SGPL1: variants seen among roughly 807,000 people sequenced by gnomAD.
SGPL1 encodes sphingosine-1-phosphate lyase 1, also known as SP-lyase 1.
SGPL1 carries 37 observed loss-of-function variants against 68.9 expected under a neutral mutation model. The ratio of observed to expected loss-of-function variants is 0.54; its 90% CI spans 0.41 to 0.71. The LOEUF is 0.71. Ranked by LOEUF, SGPL1 falls within the 30% of genes least tolerant of loss-of-function variation. The pLI, the probability that SGPL1 is intolerant of heterozygous loss-of-function variation, is 0.00. For missense variants in SGPL1, 551 were observed against 704.6 expected (o/e 0.78, Z 2.47); for synonymous variants, 236 against 248.5 (o/e 0.95, Z 0.47).
At chr10:70,849,658 A>C (rs1336013121) in intron 3 of SGPL1, among the ~76,000 whole-genome samples, 4 of 152,234 alleles carry the variant, frequency 2.6e-5, no homozygotes, top group Non-Finnish European at 5.9e-5. Context: ...TAGATACAAA[A>C]AGGGGGTGCA....
chr10:70,852,706 A>ATGTG (rs35491906), intron 4 of SGPL1, among the ~76,000 whole-genome samples: 3,300 of 145,922 alleles, frequency 0.023, 47 homozygotes, highest in African/African-American at 0.04. Flanking sequence ...ACATGTGTGT[A>ATGTG]TGTGTGTGTG....
At chr10:70,856,140 G>A (rs367552933) in intron 5 of SGPL1, among the ~76,000 whole-genome samples, 1 of 151,974 alleles carries the variant, frequency 6.6e-6, no homozygotes, top group African/African-American at 2.4e-5. Context: ...GATTACAGGC[G>A]TGCGGCACCA....
chr10:70,875,168 T>C (rs1846364037), intron 12 of SGPL1, among the ~76,000 whole-genome samples: 1 of 152,184 alleles, frequency 6.6e-6, no homozygotes, highest in African/African-American at 2.4e-5. Context: ...TAGATCTAGA[T>C]GGGGTTTGGG....
intron 2 of SGPL1, among the ~76,000 whole-genome samples, chr10:70,834,058 G>A (rs930289593): frequency 3.9e-5 from 6 of 152,096 alleles, no homozygotes; most frequent in South Asian, 2.1e-4. Context: ...TCCCTGCTGC[G>A]TGAATACCGG....
At position 70,870,298 on chromosome 10, in the gene SGPL1, G is replaced by C. The variant is rs115329338; in HGVS notation, c.810+401G>C. On this transcript the variant is annotated intron_variant, in intron 9 of 14. Transcript: ENST00000373202. Reference sequence around the variant, plus strand: ...GGATTACTTGAACCCTTGAGCCCAGGAGTTTGCGACCAGTCTGAGCAACAT... The same window carrying C: ...GGATTACTTGAACCCTTGAGCCCAGCAGTTTGCGACCAGTCTGAGCAACAT... Among the ~76,000 whole-genome samples the C allele has an allele frequency of 8.9e-3, 1,348 of 152,174 alleles. 32 individuals carry two copies. Among genetic ancestry groups the C allele is most frequent in the African/African-American group, 0.031 (1,280 of 41,506 alleles).
chr10:70,861,799 G>A (rs1846062023), intron 7 of SGPL1, among the ~76,000 whole-genome samples: 1 of 152,216 alleles, frequency 6.6e-6, no homozygotes, highest in Non-Finnish European at 1.5e-5. Context: ...AGCAGCTGCG[G>A]AGGGGGTTCT....
intron 3 of SGPL1, 26 bp downstream of exon 3, chr10:70,844,664 G>C: frequency 1.2e-6 from 2 of 1,601,614 alleles, no homozygotes; most frequent in Admixed American, 1.7e-5. Flanking sequence ...CCTCTGTAAA[G>C]GTATAGTGGT....
rs555797585 is a variant in SGPL1 at position 70,849,418 on chromosome 10, G to T, written c.194-1725G>T. Among the ~76,000 whole-genome samples the T allele has an allele frequency of 3.3e-5, 5 of 152,226 alleles. 1 individual carries two copies. The South Asian group carries it at 1.0e-3, about 32-fold the overall frequency. On this transcript the variant is annotated intron_variant, in intron 3 of 14. Coordinates refer to ENST00000373202, the MANE Select transcript of SGPL1 (RefSeq NM_003901.4). ...TATTTTACATTATACAGAATCTCAG[G>T]TATGTATTACAGTGTGTAGAACATA...
Position 70,858,972 on chromosome 10 carries a change from C to G in SGPL1, c.487-399C>G, listed in dbSNP as rs76850724. ...CAGCTGCTTTGTGCCAGACACTCTA[C>G]TAAGTGCTTCACATGCATTATGTTA... is the stretch of plus-strand genomic sequence containing the variant. On this transcript the variant is annotated intron_variant, in intron 6 of 14. Coordinates refer to ENST00000373202, the MANE Select transcript of SGPL1 (RefSeq NM_003901.4). Among the ~76,000 whole-genome samples the G allele has an allele frequency of 5.3e-4, 81 of 152,342 alleles. 2 individuals carry two copies. In the East Asian group the frequency reaches 0.01, roughly 20 times the overall value.
chr10:70,816,786 A>G (rs2131838844), intron 1 of SGPL1, 25 bp from the exon 2 acceptor site: 2 of 1,534,334 alleles, frequency 1.3e-6, no homozygotes, highest in East Asian at 4.5e-5. Context: ...CTCTAGAAGT[A>G]AACAAACCTG....
chr10:70,835,432 G>A (rs1484877308), intron 2 of SGPL1, among the ~76,000 whole-genome samples: 1 of 152,162 alleles, frequency 6.6e-6, no homozygotes, highest in African/African-American at 2.4e-5. Context: ...CTGGAAACGT[G>A]GCACATTAGA....
At chr10:70,865,264 C>G (rs1297413604) in intron 7 of SGPL1, among the ~76,000 whole-genome samples, 3 of 150,272 alleles carry the variant, frequency 2.0e-5, no homozygotes, top group African/African-American at 7.4e-5. Context: ...GATTATCTCT[C>G]TTTCCTTGTT....
chr10:70,839,321 GTAT>G (rs1404549546), intron 2 of SGPL1, among the ~76,000 whole-genome samples: 1 of 145,416 alleles, frequency 6.9e-6, no homozygotes, highest in Non-Finnish European at 1.5e-5. Flanking sequence ...ACTTTAAAAA[GTAT>G]TATTCATTCA....
chr10:70,839,355 T>TTG, intron 2 of SGPL1, among the ~76,000 whole-genome samples: 1 of 151,334 alleles, frequency 6.6e-6, no homozygotes, highest in African/African-American at 2.4e-5. Flanking sequence ...AATTTTTTTT[T>TTG]CTAGAGGAAT....
At chr10:70,870,957 C>A (rs1172097827) in intron 9 of SGPL1, 91 bp from the exon 10 acceptor site, 2 of 1,061,736 alleles carry the variant, frequency 1.9e-6, no homozygotes, top group Non-Finnish European at 1.4e-6. Context: ...AACTGGAACT[C>A]TAAGCTAGCA....
Position 70,848,454 on chromosome 10 carries a change from C to CTTT in SGPL1, c.194-2663_194-2661dup, listed in dbSNP as rs55860254. On this transcript the variant is annotated intron_variant, in intron 3 of 14. Coordinates refer to ENST00000373202, the MANE Select transcript of SGPL1 (RefSeq NM_003901.4). Reference sequence around the variant, plus strand: ...CAAACTAACGTGATTACCTCACGTACTTTTTTTTTTTTTTTTTTTTTTTTT... The same window carrying CTTT: ...CAAACTAACGTGATTACCTCACGTACTTTTTTTTTTTTTTTTTTTTTTTTTTTT... Among the ~76,000 whole-genome samples the CTTT allele has an allele frequency of 3.3e-3, 233 of 70,682 alleles. 63 individuals carry two copies. Among genetic ancestry groups the CTTT allele is most frequent in the Middle Eastern group, 0.01 (1 of 98 alleles). The allele number at this position is 70,682 out of a possible 152,430, so 46.4% of individuals were successfully genotyped here.
chr10:70,846,225 G>A lies in SGPL1; in HGVS notation c.193+1587G>A, dbSNP rs151087744. Among the ~76,000 whole-genome samples, 1,257 of 152,168 alleles carry A rather than the reference G, an allele frequency of 8.3e-3. 7 individuals carry two copies. Among genetic ancestry groups the A allele is most frequent in the Middle Eastern group, 0.024 (7 of 294 alleles). Reference sequence around the variant, plus strand: ...AGAAATTAGACTGGCCGGCCCTTCCGCTGCATCTGCTCAATGGTTTGGATA... The same window carrying A: ...AGAAATTAGACTGGCCGGCCCTTCCACTGCATCTGCTCAATGGTTTGGATA... On this transcript the variant is annotated intron_variant, in intron 3 of 14. Coordinates refer to ENST00000373202, the MANE Select transcript of SGPL1 (RefSeq NM_003901.4).
intron 2 of SGPL1, among the ~76,000 whole-genome samples, chr10:70,827,738 A>G (rs1257787897): frequency 6.6e-6 from 1 of 152,226 alleles, no homozygotes; most frequent in East Asian, 1.9e-4. Context: ...TATCCAGGTC[A>G]GTAAATATTT....
intron 8 of SGPL1, 94 bp downstream of exon 8, chr10:70,868,527 T>C (rs1846234950): frequency 2.0e-6 from 2 of 989,816 alleles, no homozygotes; most frequent in Middle Eastern, 2.1e-4. Flanking sequence ...TTCCTGCTGC[T>C]TCTCTTCCTC....
Sources: allele counts gnomAD v4.1 joint callset (sites outside exome capture counted in the v4.1 genomes callset), GRCh38; gene constraint gnomAD v4.1.1; transcripts MANE v1.5; gene names NCBI Gene and HGNC (gene_info 2026-07-23, HGNC 2026-07-21).